Variants in CEP63 observed in about 807,000 individuals in gnomAD.
The protein encoded by CEP63 is centrosomal protein 63.
Under a neutral mutation model 89.1 loss-of-function variants are expected in CEP63, and 84 were observed. The ratio of observed to expected loss-of-function variants is 0.94; its 90% CI spans 0.79 to 1.13. The LOEUF (loss-of-function observed/expected upper bound fraction) is 1.13. CEP63 is among the 50% of genes most tolerant of loss of function. The pLI, the probability that CEP63 is intolerant of heterozygous loss-of-function variation, is 0.00. For missense variants in CEP63, 838 were observed against 813.3 expected, an observed-to-expected ratio of 1.03 and a Z score of -0.37; for synonymous variants, 267 against 272.5, an observed-to-expected ratio of 0.98 and a Z score of 0.20.
At chr3:134,772,393 G>A in the CEP63 span, among the ~76,000 whole-genome samples, 31 of 152,278 alleles carry the variant, frequency 2.0e-4, no homozygotes, top group Admixed American at 2.0e-3. Flanking sequence ...TAATGGCTGC[G>A]AGGGAGACAC....
At chr3:134,666,944 C>A in the CEP63 span, among the ~76,000 whole-genome samples, 1 of 152,144 alleles carries the variant, frequency 6.6e-6, no homozygotes, top group African/African-American at 2.4e-5. Context: ...TCTGTTTTAC[C>A]GGAAAGCCCA....
intron 2 of CEP63, among the ~76,000 whole-genome samples, chr3:134,498,808 T>C (rs1941022249): frequency 6.6e-6 from 1 of 152,228 alleles, no homozygotes; most frequent in African/African-American, 2.4e-5. Context: ...GAGATGATCA[T>C]ATGGTTTTTG....
the CEP63 span, among the ~76,000 whole-genome samples, chr3:134,691,078 AGCATGGTGACTCAT>A: frequency 1.1e-4 from 17 of 152,218 alleles, no homozygotes; most frequent in African/African-American, 4.1e-4. Flanking sequence ...TTCTTGGCTA[AGCATGGTGACTCAT>A]GCCTGTAATT....
the CEP63 span, among the ~76,000 whole-genome samples, chr3:134,778,719 C>T: frequency 4.6e-5 from 7 of 152,152 alleles, no homozygotes; most frequent in East Asian, 1.9e-4. Context: ...CCACCATGCC[C>T]GGCTAATTTT....
chr3:134,749,867 C>T, the CEP63 span, among the ~76,000 whole-genome samples: 6 of 151,990 alleles, frequency 3.9e-5, no homozygotes, highest in Admixed American at 3.9e-4. Context: ...GACAGACAGA[C>T]CAGAGCTTCC....
chr3:134,689,860 T>C, the CEP63 span, among the ~76,000 whole-genome samples: 27 of 152,318 alleles, frequency 1.8e-4, 1 homozygote, highest in African/African-American at 5.8e-4. Flanking sequence ...AAATCATGTG[T>C]AATTATAGAT....
At chr3:134,745,572 T>C in the CEP63 span, among the ~76,000 whole-genome samples, 2,220 of 152,306 alleles carry the variant, frequency 0.015, 49 homozygotes, top group African/African-American at 0.05. Context: ...CTAGGGTACA[T>C]GTGCGCAACG....
the CEP63 span, among the ~76,000 whole-genome samples, chr3:134,613,522 C>G: frequency 6.6e-6 from 1 of 152,184 alleles, no homozygotes; most frequent in African/African-American, 2.4e-5. Context: ...TGGTGGTCAC[C>G]TCTAGAGTGA....
At chr3:134,632,625 T>C in the CEP63 span, among the ~76,000 whole-genome samples, 3 of 151,968 alleles carry the variant, frequency 2.0e-5, no homozygotes, top group Admixed American at 2.0e-4. Flanking sequence ...AGGGGAAATT[T>C]GTAGCATTAA....
chr3:134,603,259 G>GCAA, the CEP63 span: 7 of 231,956 alleles, frequency 3.0e-5, no homozygotes, highest in Non-Finnish European at 5.0e-5. Flanking sequence ...CAACCCTACA[G>GCAA]CAACAACAAC....
chr3:134,651,621 C>T, the CEP63 span: 1 of 987,300 alleles, frequency 1.0e-6, no homozygotes, highest in Non-Finnish European at 1.2e-6. Flanking sequence ...TCAGGAGCTC[C>T]CCCCAGTTAC....
chr3:134,492,007 C>T (rs1389324098), intron 1 of CEP63, among the ~76,000 whole-genome samples: 1 of 151,470 alleles, frequency 6.6e-6, no homozygotes, highest in African/African-American at 2.4e-5. Flanking sequence ...TGCTTTCTAG[C>T]TCATAAAGTC....
intron 3 of CEP63, among the ~76,000 whole-genome samples, chr3:134,523,194 TGC>T (rs202209211): frequency 5.8e-4 from 89 of 152,346 alleles, no homozygotes; most frequent in East Asian, 3.3e-3. Context: ...GCTGCCTGTA[TGC>T]CTTCTTTTGA....
chr3:134,708,434 T>A, the CEP63 span, among the ~76,000 whole-genome samples: 1 of 152,224 alleles, frequency 6.6e-6, no homozygotes, highest in Non-Finnish European at 1.5e-5. Flanking sequence ...CTGTGTGTGA[T>A]AGAATTGGTC....
At chr3:134,582,255 G>A (rs1331736117) in intron 10 of CEP63, among the ~76,000 whole-genome samples, 1 of 152,086 alleles carries the variant, frequency 6.6e-6, no homozygotes, top group Non-Finnish European at 1.5e-5. Flanking sequence ...AGGTATACAT[G>A]TGCCATGTTG....
the CEP63 span, among the ~76,000 whole-genome samples, chr3:134,623,716 T>C: frequency 2.1e-4 from 32 of 152,192 alleles, no homozygotes; most frequent in African/African-American, 7.7e-4. Context: ...GCACTGCCCC[T>C]CTGGAGGTAA....
chr3:134,651,214 C>A, the CEP63 span: 1 of 1,299,270 alleles, frequency 7.7e-7, no homozygotes, highest in Non-Finnish European at 9.9e-7. Context: ...CGGGCCCAAG[C>A]CTTGACCTGC....
the CEP63 span, among the ~76,000 whole-genome samples, chr3:134,763,074 C>T: frequency 0.13 from 19,207 of 151,186 alleles, 1,318 homozygotes; most frequent in Middle Eastern, 0.18. Flanking sequence ...ATTTTTTTTT[C>T]TCTCTCTCTT....
chr3:134,570,936 G>C (rs1957984600), intron 11 of CEP63, among the ~76,000 whole-genome samples: 1 of 152,210 alleles, frequency 6.6e-6, no homozygotes, highest in Non-Finnish European at 1.5e-5. Context: ...CCTGTGCAGA[G>C]AAACTCCCCT....
Sources: gnomAD v4.1 joint callset for allele counts (sites outside exome capture counted in the v4.1 genomes callset) on GRCh38, gnomAD v4.1.1 for gene constraint, MANE v1.5 for transcripts, NCBI Gene and HGNC (gene_info 2026-07-23, HGNC 2026-07-21) for gene names.